The following ANKS1B variants were observed in gnomAD, a reference collection of about 807,000 sequenced individuals.
ANKS1B encodes the protein ankyrin repeat and sterile alpha motif domain containing 1B, also known as ankyrin repeat and sterile alpha motif domain-containing protein 1B.
Under a neutral mutation model 148.3 loss-of-function variants are expected in ANKS1B, and 36 were observed. The observed-to-expected ratio is 0.24, with a 90% CI of 0.19 to 0.32. ANKS1B has a LOEUF of 0.32. Ranked by LOEUF, ANKS1B falls within the 10% of genes least tolerant of loss-of-function variation. The pLI is 1.00. For synonymous variants in ANKS1B, 542 were observed against 560.8 expected (o/e 0.97, Z 0.47); for missense variants, 1,157 against 1,542.6 (o/e 0.75, Z 4.19).
At chr12:99,974,364 A>G (rs1341159957) in intron 1 of ANKS1B, among the ~76,000 whole-genome samples, 1 of 152,220 alleles carries the variant, frequency 6.6e-6, no homozygotes, top group Non-Finnish European at 1.5e-5. Context: ...CTGAAAACAA[A>G]TCCACAATAT....
intron 17 of ANKS1B, among the ~76,000 whole-genome samples, chr12:98,983,399 C>T (rs2099918228): frequency 6.6e-6 from 1 of 152,134 alleles, no homozygotes; most frequent in Non-Finnish European, 1.5e-5. Flanking sequence ...TCCTTTGCAT[C>T]AAATTCCTCT....
intron 1 of ANKS1B, among the ~76,000 whole-genome samples, chr12:99,835,484 T>C (rs115438270): frequency 1.4e-4 from 22 of 152,222 alleles, no homozygotes; most frequent in African/African-American, 5.3e-4. Context: ...ATTTAAATTT[T>C]CTAGTAGCCA....
Position 99,600,403 on chromosome 12 carries a change from G to C in ANKS1B, c.1272+54664C>G, listed in dbSNP as rs575703257. Reference sequence around the variant, plus strand: ...TACAATACCACATCACATAACTGCAGGACTTTTATGCCGCTGCGAAGGGAA... The same window carrying C: ...TACAATACCACATCACATAACTGCACGACTTTTATGCCGCTGCGAAGGGAA... On this transcript the variant is annotated intron_variant, in intron 9 of 26. Transcript: ENST00000683438. Among the ~76,000 whole-genome samples the C allele has an allele frequency of 5.3e-5, 8 of 152,040 alleles. No individual in the cohort carries two copies. In the East Asian group the frequency reaches 1.5e-3, roughly 29 times the overall value.
intron 14 of ANKS1B, among the ~76,000 whole-genome samples, chr12:99,231,123 G>A (rs550496093): frequency 3.9e-5 from 6 of 152,210 alleles, no homozygotes; most frequent in South Asian, 2.1e-4. Context: ...AACCTAGGTC[G>A]TCATTAGAGT....
At chr12:99,536,446 T>C (rs187868989) in intron 9 of ANKS1B, among the ~76,000 whole-genome samples, 176 of 152,332 alleles carry the variant, frequency 1.2e-3, no homozygotes, top group Admixed American at 2.1e-3. Context: ...ATCAAATTTC[T>C]TCACAGCTAT....
chr12:98,827,289 T>G (rs1412133734), intron 19 of ANKS1B, among the ~76,000 whole-genome samples: 1 of 152,168 alleles, frequency 6.6e-6, no homozygotes, highest in East Asian at 1.9e-4. Flanking sequence ...TTAGAAAGCT[T>G]CTAATAAGCT....
chr12:98,874,830 T>C (rs981032802), intron 17 of ANKS1B, among the ~76,000 whole-genome samples: 7 of 152,202 alleles, frequency 4.6e-5, no homozygotes, highest in African/African-American at 1.7e-4. Flanking sequence ...CTCCTTGTAA[T>C]AAACTTGAAC....
intron 10 of ANKS1B, among the ~76,000 whole-genome samples, chr12:99,487,056 C>G (rs1165033177): frequency 6.6e-6 from 1 of 152,146 alleles, no homozygotes; most frequent in Non-Finnish European, 1.5e-5. Context: ...TGGGTTAGAG[C>G]TGAAGAATTT....
chr12:99,183,683 G>A (rs895943417), intron 14 of ANKS1B, among the ~76,000 whole-genome samples: 1 of 152,092 alleles, frequency 6.6e-6, no homozygotes, highest in Non-Finnish European at 1.5e-5. Context: ...CATTGGTCAA[G>A]GAAGTTTGGG....
intron 15 of ANKS1B, among the ~76,000 whole-genome samples, chr12:99,121,734 G>A (rs2062953426): frequency 6.6e-6 from 1 of 152,146 alleles, no homozygotes; most frequent in African/African-American, 2.4e-5. Flanking sequence ...CCATCAAGAG[G>A]TGAATGAAAA....
chr12:99,836,585 A>G (rs1245359256), intron 1 of ANKS1B, among the ~76,000 whole-genome samples: 1 of 152,192 alleles, frequency 6.6e-6, no homozygotes, highest in African/African-American at 2.4e-5. Flanking sequence ...CCTCTCTTCA[A>G]TATATACAGT....
intron 1 of ANKS1B, among the ~76,000 whole-genome samples, chr12:99,969,233 C>T (rs2095528442): frequency 2.6e-5 from 4 of 152,056 alleles, no homozygotes; most frequent in Admixed American, 1.3e-4. Flanking sequence ...GGCTGGAGTA[C>T]AGTGGCATGA....
intron 9 of ANKS1B, among the ~76,000 whole-genome samples, chr12:99,534,198 G>A (rs1006598939): frequency 2.6e-5 from 4 of 152,166 alleles, no homozygotes; most frequent in Non-Finnish European, 5.9e-5. Context: ...ATATGTTTTG[G>A]TATCTCCAGT....
intron 9 of ANKS1B, among the ~76,000 whole-genome samples, chr12:99,569,062 AAAG>A (rs2097425315): frequency 6.6e-6 from 1 of 152,246 alleles, no homozygotes; most frequent in South Asian, 2.1e-4. Context: ...ACAAAGCTTT[AAAG>A]AAGTATAGAG....
intron 1 of ANKS1B, among the ~76,000 whole-genome samples, chr12:99,840,398 G>C (rs1249896290): frequency 6.6e-6 from 1 of 152,074 alleles, no homozygotes; most frequent in African/African-American, 2.4e-5. Context: ...GATATGGAAA[G>C]CCATCGGAGA....
chr12:98,879,276 G>A (rs1327163356), intron 17 of ANKS1B, among the ~76,000 whole-genome samples: 2 of 152,176 alleles, frequency 1.3e-5, no homozygotes, highest in African/African-American at 2.4e-5. Context: ...CCATCTATGT[G>A]TCTATCTAAT....
At chr12:99,440,401 A>G (rs1419510046) in intron 11 of ANKS1B, among the ~76,000 whole-genome samples, 1 of 151,790 alleles carries the variant, frequency 6.6e-6, no homozygotes, top group Non-Finnish European at 1.5e-5. Context: ...AGACCTACCT[A>G]ATATATATTT....
chr12:99,372,818 C>T (rs2093212620), intron 12 of ANKS1B, among the ~76,000 whole-genome samples: 1 of 152,132 alleles, frequency 6.6e-6, no homozygotes, highest in Non-Finnish European at 1.5e-5. Flanking sequence ...CAGGGCACTA[C>T]AATTTCCTTT....
intron 15 of ANKS1B, among the ~76,000 whole-genome samples, chr12:99,100,461 C>G (rs115824205): frequency 7.8e-4 from 119 of 152,308 alleles, no homozygotes; most frequent in African/African-American, 2.7e-3. Flanking sequence ...CAGTCTCTCT[C>G]CTAAAGAAGC....
Sources: gnomAD v4.1 joint callset for allele counts (sites outside exome capture counted in the v4.1 genomes callset) on GRCh38, gnomAD v4.1.1 for gene constraint, MANE v1.5 for transcripts, NCBI Gene and HGNC (gene_info 2026-07-23, HGNC 2026-07-21) for gene names.